Variants in CLVS1 observed in about 807,000 individuals in gnomAD.
CLVS1 encodes the protein clavesin-1.
A neutral mutation model predicts 33.1 loss-of-function variants in CLVS1; 10 were observed. The observed-to-expected ratio is 0.30, with a 90% confidence interval of 0.19 to 0.51. The LOEUF (loss-of-function observed/expected upper bound fraction) is 0.51. CLVS1 is among the 20% of genes least tolerant of loss of function. CLVS1 has a pLI of 0.97. For missense variants in CLVS1, 343 were observed against 433.4 expected (o/e 0.79, Z 1.85); for synonymous variants, 163 against 166.1 (o/e 0.98, Z 0.14).
intron 2 of CLVS1, among the ~76,000 whole-genome samples, chr8:61,331,858 T>C (rs1174541458): frequency 2.0e-5 from 3 of 150,002 alleles, no homozygotes; most frequent in Non-Finnish European, 4.4e-5. Flanking sequence ...TCCTTCTTCT[T>C]CTCCTTCTTT....
chr8:61,388,361 G>A (rs1814168205), intron 3 of CLVS1, among the ~76,000 whole-genome samples: 1 of 149,272 alleles, frequency 6.7e-6, no homozygotes, highest in African/African-American at 2.5e-5. Flanking sequence ...TGACATAAGT[G>A]GTCAGTATGA....
chr8:61,171,256 A>T (rs1402253272), intron 2 of CLVS1, among the ~76,000 whole-genome samples: 1 of 152,218 alleles, frequency 6.6e-6, no homozygotes, highest in Non-Finnish European at 1.5e-5. Context: ...ATTGAAATAG[A>T]TAGTGAATTT....
chr8:61,033,627 G>A, the CLVS1 span, among the ~76,000 whole-genome samples: 4 of 152,254 alleles, frequency 2.6e-5, no homozygotes, highest in East Asian at 7.7e-4. Context: ...AATTGCCCTC[G>A]ACTGGCCATG....
chr8:61,157,217 C>T (rs1806667815), intron 2 of CLVS1, among the ~76,000 whole-genome samples: 1 of 152,064 alleles, frequency 6.6e-6, no homozygotes, highest in Non-Finnish European at 1.5e-5. Context: ...TTGCATAAAA[C>T]ACATAAAAGT....
chr8:61,031,097 A>G, the CLVS1 span, among the ~76,000 whole-genome samples: 1 of 152,224 alleles, frequency 6.6e-6, no homozygotes, highest in African/African-American at 2.4e-5. Context: ...AGTTGATGGA[A>G]AAGAATTTTG....
intron 2 of CLVS1, among the ~76,000 whole-genome samples, chr8:61,206,674 C>T (rs11991027): frequency 0.017 from 2,536 of 151,296 alleles, 77 homozygotes; most frequent in African/African-American, 0.059. Context: ...CTGCAAGCTC[C>T]GCCTCCAGGG....
chr8:61,356,606 G>A (rs1812718378), intron 2 of CLVS1, among the ~76,000 whole-genome samples: 1 of 151,978 alleles, frequency 6.6e-6, no homozygotes, highest in African/African-American at 2.4e-5. Context: ...GTGTAAGGAA[G>A]GGATCCAGTT....
intron 2 of CLVS1, among the ~76,000 whole-genome samples, chr8:61,306,162 A>G (rs1477434618): frequency 1.3e-5 from 2 of 152,340 alleles, no homozygotes; most frequent in African/African-American, 2.4e-5. Context: ...CCAACAGTGT[A>G]TAAGCATTCT....
chr8:61,161,471 A>G (rs1406451922), intron 2 of CLVS1, among the ~76,000 whole-genome samples: 1 of 152,222 alleles, frequency 6.6e-6, no homozygotes, highest in Non-Finnish European at 1.5e-5. Context: ...TCAGCCTTAA[A>G]AAAGAAGAAA....
At chr8:61,296,356 G>GA in intron 1 of CLVS1, among the ~76,000 whole-genome samples, 1 of 152,192 alleles carries the variant, frequency 6.6e-6, no homozygotes, top group Non-Finnish European at 1.5e-5. Flanking sequence ...AGCAGGCCAT[G>GA]AAAAATGCAA....
At chr8:61,406,138 G>A (rs946447485) in intron 3 of CLVS1, among the ~76,000 whole-genome samples, 1 of 152,162 alleles carries the variant, frequency 6.6e-6, no homozygotes, top group Non-Finnish European at 1.5e-5. Context: ...TCCTAACTAT[G>A]TCCTGTTTGT....
intron 2 of CLVS1, among the ~76,000 whole-genome samples, chr8:61,334,557 A>G (rs1488920159): frequency 6.6e-6 from 1 of 152,250 alleles, no homozygotes; most frequent in Non-Finnish European, 1.5e-5. Flanking sequence ...AACACTGTCC[A>G]TATGAGTAAG....
chr8:61,093,415 G>A (rs1805289340), intron 1 of CLVS1, among the ~76,000 whole-genome samples: 1 of 152,108 alleles, frequency 6.6e-6, no homozygotes, highest in African/African-American at 2.4e-5. Context: ...GAGTGTGGGG[G>A]TCCAAAAACT....
Position 61,239,305 on chromosome 8 carries a change from G to T in CLVS1, c.-151-60372G>T, listed in dbSNP as rs189206829. 2.3e-3 allele frequency among the ~76,000 whole-genome samples: 346 copies of T among 152,262 alleles called. 2 individuals carry two copies. The highest frequency in any genetic ancestry group is 3.5e-3 in the Non-Finnish European group (240 of 68,020). On this transcript the variant is annotated intron_variant, in intron 2 of 2. Coordinates refer to the CLVS1 transcript ENST00000522621. ...CAACCCTGCAGAGACATTGCTTAAC[G>T]TTGGTGGAATCACATGTAGAATTTC... is the stretch of plus-strand genomic sequence containing the variant.
intron 2 of CLVS1, among the ~76,000 whole-genome samples, chr8:61,235,399 C>T (rs1416407602): frequency 1.3e-5 from 2 of 152,194 alleles, no homozygotes; most frequent in Non-Finnish European, 1.5e-5. Flanking sequence ...CACAGATGCA[C>T]TTACCTAGTA....
chr8:61,230,783 G>C (rs1808414933), intron 2 of CLVS1, among the ~76,000 whole-genome samples: 1 of 152,136 alleles, frequency 6.6e-6, no homozygotes, highest in African/African-American at 2.4e-5. Context: ...ACAAACAACA[G>C]AAATTTATTT....
intron 3 of CLVS1, among the ~76,000 whole-genome samples, chr8:61,426,921 T>C (rs1815917885): frequency 6.6e-6 from 1 of 152,212 alleles, no homozygotes. Flanking sequence ...AAAAGGCAGT[T>C]GTTAGCAGCT....
chr8:61,388,855 C>T (rs958062482), intron 3 of CLVS1, among the ~76,000 whole-genome samples: 2 of 152,134 alleles, frequency 1.3e-5, no homozygotes, highest in Admixed American at 6.6e-5. Context: ...CTATAGAACA[C>T]TAGAACTTAT....
At chr8:61,033,608 C>A in the CLVS1 span, among the ~76,000 whole-genome samples, 1 of 152,214 alleles carries the variant, frequency 6.6e-6, no homozygotes, top group Non-Finnish European at 1.5e-5. Flanking sequence ...ACTTGTGCCA[C>A]TCCCGGGGAA....
Sources: allele counts gnomAD v4.1 joint callset (sites outside exome capture counted in the v4.1 genomes callset), GRCh38; gene constraint gnomAD v4.1.1; transcripts MANE v1.5; gene names NCBI Gene and HGNC (gene_info 2026-07-23, HGNC 2026-07-21).